Variants in DAB1 observed in about 807,000 individuals in gnomAD.
DAB1 encodes the protein disabled homolog 1.
DAB1 carries 15 observed loss-of-function variants against 64.6 expected under a neutral mutation model. The observed-to-expected ratio is 0.23, with a 90% CI of 0.16 to 0.36. The LOEUF (loss-of-function observed/expected upper bound fraction) is 0.36. DAB1 is among the 10% of genes least tolerant of loss of function. The pLI is 1.00. For synonymous variants in DAB1, 235 were observed against 251.9 expected (o/e 0.93, Z 0.64); for missense variants, 596 against 706.7 (o/e 0.84, Z 1.78).
At chr1:58,036,956 T>G (rs1346799744) in intron 5 of DAB1, among the ~76,000 whole-genome samples, 1 of 152,222 alleles carries the variant, frequency 6.6e-6, no homozygotes, top group East Asian at 1.9e-4. Flanking sequence ...ATTAGTTGAC[T>G]TCTAGTCAAT....
At chr1:57,010,827 CT>C in intron 13 of DAB1, 37 bp from the exon 14 acceptor site, 1 of 1,430,936 alleles carries the variant, frequency 7.0e-7, no homozygotes, top group Non-Finnish European at 9.4e-7. Context: ...TTTTTTCTCT[CT>C]TTTCAAGCAT....
At chr1:57,240,353 C>T (rs1228632822) in intron 2 of DAB1, among the ~76,000 whole-genome samples, 1 of 152,142 alleles carries the variant, frequency 6.6e-6, no homozygotes, top group Non-Finnish European at 1.5e-5. Context: ...AAAACAAACA[C>T]ATTAAATAAT....
chr1:57,415,278 CACATATAT>C (rs1457720484), intron 1 of DAB1, among the ~76,000 whole-genome samples: 11 of 143,792 alleles, frequency 7.6e-5, no homozygotes, highest in Non-Finnish European at 1.1e-4. Flanking sequence ...CACACACACA[CACATATAT>C]GCACACACTC....
chr1:57,015,333 C>T lies in DAB1; in HGVS notation c.994G>A (p.Val332Met). 1.2e-6 allele frequency: 2 copies of T among 1,614,086 alleles called. No homozygotes were observed. Among genetic ancestry groups the T allele is most frequent in the Non-Finnish European group, 1.7e-6 (2 of 1,180,034 alleles). ...GCGATGGGCTGAGCCCCCGGCATCACCTGAGCGACTGGTGGCTGGGCACCC... is the reference window on the plus strand; with the variant it reads ...GCGATGGGCTGAGCCCCCGGCATCATCTGAGCGACTGGTGGCTGGGCACCC... Reference protein sequence around the residue: ...VMGAQPPVAQVMPGAQPIAWG... With the variant: ...VMGAQPPVAQMMPGAQPIAWG... The change falls in exon 12 of 15, where the codon GTG (valine) becomes ATG (methionine). Residue 332 changes from valine to methionine, a missense_variant. Val to Met is a conservative substitution (Grantham distance 21, BLOSUM62 1). Coordinates refer to ENST00000371236, the MANE Select transcript of DAB1 (RefSeq NM_001365792.1).
At chr1:57,429,675 T>C (rs1380693213) in intron 7 of DAB1, among the ~76,000 whole-genome samples, 7 of 152,236 alleles carry the variant, frequency 4.6e-5, no homozygotes, top group Admixed American at 2.6e-4. Flanking sequence ...TATGGCATAA[T>C]ATAAGGATTC....
chr1:57,072,180 G>A (rs1651543211), intron 5 of DAB1, 103 bp downstream of exon 5: 3 of 1,269,464 alleles, frequency 2.4e-6, no homozygotes, highest in African/African-American at 1.5e-5. Flanking sequence ...GAAATACATT[G>A]CTTGGTCATA....
chr1:58,422,624 A>G (rs946785940), intron 3 of DAB1, among the ~76,000 whole-genome samples: 74 of 115,264 alleles, frequency 6.4e-4, no homozygotes, highest in African/African-American at 2.4e-3. Flanking sequence ...TTTTTTTTTG[A>G]GACAGAGTCA....
intron 13 of DAB1, 116 bp from the exon 14 acceptor site, chr1:57,010,906 G>A (rs757715179): frequency 4.4e-5 from 38 of 866,332 alleles, no homozygotes; most frequent in East Asian, 7.9e-5. Context: ...AGGGTGCAAC[G>A]GCATTTAGAG....
intron 4 of DAB1, among the ~76,000 whole-genome samples, chr1:58,157,037 T>C (rs887992601): frequency 2.6e-5 from 4 of 152,144 alleles, no homozygotes; most frequent in East Asian, 1.9e-4. Context: ...CAGAGTCACA[T>C]GGTGATTTGC....
At chr1:57,919,039 T>A (rs559491679) in intron 5 of DAB1, among the ~76,000 whole-genome samples, 13 of 152,334 alleles carry the variant, frequency 8.5e-5, no homozygotes, top group African/African-American at 3.1e-4. Context: ...TGGTGCAATA[T>A]ATTTGCAATA....
intron 7 of DAB1, among the ~76,000 whole-genome samples, chr1:57,603,566 C>G (rs772462737): frequency 4.6e-5 from 7 of 152,320 alleles, no homozygotes; most frequent in Admixed American, 3.3e-4. Context: ...AACCATCATC[C>G]CAGGTGGGCA....
At position 57,015,068 on chromosome 1, in the gene DAB1, A is replaced by G. The variant is rs774505115; in HGVS notation, c.1259T>C (p.Met420Thr). 3.7e-6 allele frequency: 6 copies of G among 1,614,080 alleles called. No homozygotes were observed. The highest frequency in any genetic ancestry group is 2.7e-5 in the African/African-American group (2 of 74,936). The change falls in exon 12 of 15, where the codon ATG (methionine) becomes ACG (threonine). Residue 420 changes from methionine (M) to threonine (T), a missense_variant. By Grantham distance (81) the Met-to-Thr change is moderately conservative. This residue lies in a region of DAB1 where 377 missense variants were observed against 400.4 expected (regional missense o/e 0.94). Coordinates refer to ENST00000371236, the MANE Select transcript of DAB1 (RefSeq NM_001365792.1). ...GGAGGGCACGGGCGGAGGCTGGGCCATCTGGAAATCCTTAAACGTTTCTTT... is the reference window on the plus strand; with the variant it reads ...GGAGGGCACGGGCGGAGGCTGGGCCGTCTGGAAATCCTTAAACGTTTCTTT... ...MGKETFKDFQ[M>T]AQPPPVPSRK... is the part of the protein sequence containing the mutation.
In DAB1 at chr1:57,366,203, A is replaced by T. The variant is rs955666602; in HGVS notation, c.-137+57727T>A. ...TATCATGATAGCTATGGATTTTCCC[A>T]TTTAAATAGTGCTATTGTCTTTCCT... On this transcript the variant is annotated intron_variant, in intron 1 of 14. Transcript: ENST00000371236. Among the ~76,000 whole-genome samples the T allele has an allele frequency of 2.0e-5, 3 of 152,198 alleles. No homozygotes were observed. The South Asian group carries it at 6.2e-4, about 32-fold the overall frequency.
chr1:57,551,762 G>C (rs956801285), intron 7 of DAB1, among the ~76,000 whole-genome samples: 6 of 152,170 alleles, frequency 3.9e-5, no homozygotes. Context: ...AATCCCTTAA[G>C]AGCTGGGAAG....
At chr1:57,068,480 T>C (rs1198415064) in intron 8 of DAB1, among the ~76,000 whole-genome samples, 3 of 152,252 alleles carry the variant, frequency 2.0e-5, no homozygotes, top group Non-Finnish European at 1.5e-5. Context: ...TGTTTTACTT[T>C]TATTACACAA....
At chr1:57,248,420 A>C (rs1162098162) in intron 2 of DAB1, among the ~76,000 whole-genome samples, 1 of 152,158 alleles carries the variant, frequency 6.6e-6, no homozygotes, top group Non-Finnish European at 1.5e-5. Context: ...AATCTATAGC[A>C]ATAAATCCAC....
chr1:58,026,283 G>C (rs1646894036), intron 5 of DAB1, among the ~76,000 whole-genome samples: 1 of 152,206 alleles, frequency 6.6e-6, no homozygotes, highest in Admixed American at 6.5e-5. Flanking sequence ...AGAAGGCATA[G>C]AGTGTAGGCT....
At chr1:58,436,001 G>A (rs1644940430) in intron 3 of DAB1, among the ~76,000 whole-genome samples, 1 of 152,176 alleles carries the variant, frequency 6.6e-6, no homozygotes, top group Non-Finnish European at 1.5e-5. Flanking sequence ...TCCTGGCATA[G>A]AAGCCATCCC....
intron 1 of DAB1, among the ~76,000 whole-genome samples, chr1:57,831,537 C>CTTTTTT (rs5774372): frequency 4.5e-5 from 5 of 112,344 alleles, no homozygotes; most frequent in African/African-American, 1.3e-4. Context: ...ATTTTCTTCT[C>CTTTTTT]TTTTTTTTTT....
Sources: allele counts gnomAD v4.1 joint callset (sites outside exome capture counted in the v4.1 genomes callset), GRCh38; gene constraint gnomAD v4.1.1; regional missense constraint gnomAD v4.1.1; transcripts MANE v1.5; gene names NCBI Gene and HGNC (gene_info 2026-07-23, HGNC 2026-07-21).